The following CEP170B variants were observed in gnomAD, a reference collection of about 807,000 sequenced individuals.
The protein encoded by CEP170B is centrosomal protein 170B, also known as centrosomal protein of 170 kDa protein B.
A neutral mutation model predicts 120.6 loss-of-function variants in CEP170B; 55 were observed. The ratio of observed to expected loss-of-function variants is 0.46; its 90% CI spans 0.37 to 0.57. CEP170B has a LOEUF of 0.57. Among genes scored for constraint, CEP170B ranks in the 20% least tolerant of loss-of-function variants. The pLI is 0.00. For synonymous variants in CEP170B, 1,033 were observed against 954.5 expected, an observed-to-expected ratio of 1.08 and a Z score of -1.52; for missense variants, 2,212 against 2,253.3, an observed-to-expected ratio of 0.98 and a Z score of 0.37.
At chr14:104,885,170 C>T (rs943015619) in intron 9 of CEP170B, among the ~76,000 whole-genome samples, 199 bp from the exon 10 acceptor site, 4 of 152,084 alleles carry the variant, frequency 2.6e-5, no homozygotes, top group Admixed American at 1.3e-4. Flanking sequence ...CCCACAGCCC[C>T]GCCCCTCCCC....
chr14:104,879,730 G>A (rs771476475), intron 5 of CEP170B, among the ~76,000 whole-genome samples: 158 of 152,144 alleles, frequency 1.0e-3, no homozygotes, highest in Non-Finnish European at 6.5e-4. Context: ...CCCTTTCCCC[G>A]GTGTGCTGGC....
chr14:104,884,225 C>T lies in CEP170B; in HGVS notation c.1446C>T (p.Ala482=), dbSNP rs2140696734. ...TEERLGSPSP[A]SRTPARPFGS... is the part of the protein sequence containing the mutation. ...AACGGCTGGGCAGCCCCTCGCCCGC[C>T]TCCCGAACCCCTGCCCGCCCCTTCG... Residue 482 remains alanine, a synonymous_variant, in exon 9 of 19, where the codon GCC becomes GCT. Coordinates refer to ENST00000414716, the MANE Select transcript of CEP170B (RefSeq NM_001112726.3). 1.3e-6 allele frequency: 2 copies of T among 1,543,262 alleles called. No individual in the cohort carries two copies. The highest frequency in any genetic ancestry group is 2.4e-5 in the East Asian group (1 of 40,956).
At chr14:104,878,728 GGCGGGGGCACCGGGAC>G (rs1160487301) in intron 5 of CEP170B, among the ~76,000 whole-genome samples, 1 of 152,266 alleles carries the variant, frequency 6.6e-6, no homozygotes, top group Non-Finnish European at 1.5e-5. Context: ...AGTGACAGGT[GGCGGGGGCACCGGGAC>G]GCGGGTGCCA....
intron 2 of CEP170B, among the ~76,000 whole-genome samples, chr14:104,871,467 G>T (rs899708546): frequency 2.0e-5 from 3 of 147,682 alleles, no homozygotes; most frequent in African/African-American, 7.5e-5. Context: ...CTCCGGACCC[G>T]GCTCACACCG....
chr14:104,893,950 G>A, intron 16 of CEP170B, 101 bp downstream of exon 16: 1 of 1,102,386 alleles, frequency 9.1e-7, no homozygotes, highest in Non-Finnish European at 1.3e-6. Flanking sequence ...CGGTTTCATG[G>A]GTACTCGTGT....
rs1311134806 is a variant in CEP170B at position 104,884,691 on chromosome 14, G to A, written c.1770+142G>A. 4.7e-5 allele frequency: 15 copies of A among 321,364 alleles called. 1 individual carries two copies. Among genetic ancestry groups the A allele is most frequent in the African/African-American group, 3.3e-4 (6 of 18,018 alleles). 19.9% of individuals were successfully genotyped at this position (321,364 alleles called of 1,614,324 possible). A position where few individuals can be genotyped will look rare whatever the true frequency, so the allele number is the denominator to read the frequency against. On this transcript the variant is annotated intron_variant, in intron 9 of 18. Transcript: ENST00000414716. ...GCGAGTGAGAGCCCTCGTGGGGAAC[G>A]GGGGGTGGAGGTGATGCCGGGGGTG...
At position 104,893,816 on chromosome 14, in the gene CEP170B, G is replaced by A. The variant is rs1326315392; in HGVS notation, c.4238G>A (p.Arg1413His). Residue 1413 changes from arginine to histidine, a missense_variant, in exon 16 of 19, where the codon CGT (arginine) becomes CAT (histidine). Coordinates refer to ENST00000414716, the MANE Select transcript of CEP170B (RefSeq NM_001112726.3). ...GTGTCCCAGCTGTCGCAGGCCATCC[G>A]TGAGAACACAGAGCACCTTGCCGAG... is the stretch of plus-strand genomic sequence containing the variant. The part of the protein sequence containing the change: ...NPVSQLSQAI[R>H]ENTEHLAEKM... 5 of 1,612,570 alleles carry A rather than the reference G, an allele frequency of 3.1e-6. No individual in the cohort carries two copies. The highest frequency in any genetic ancestry group is 4.2e-6 in the Non-Finnish European group (5 of 1,179,692).
Position 104,894,529 on chromosome 14 carries a change from G to C in CEP170B, c.4366-8G>C, listed in dbSNP as rs568757300. ...TTGACTCCACCTCCCTTCCTGCCAC[G>C]TTTCCAGGAAATCAGCTCCATCCTG... is the stretch of plus-strand genomic sequence containing the variant. On this transcript the variant is annotated splice_polypyrimidine_tract_variant and splice_region_variant and intron_variant, in intron 17 of 18. Transcript: ENST00000414716. 2.5e-6 allele frequency: 4 copies of C among 1,610,634 alleles called. No individual in the cohort carries two copies. In the African/African-American group the frequency reaches 4.0e-5, roughly 16 times the overall value.
At chr14:104,878,551 C>A (rs749582881) in intron 5 of CEP170B, 50 bp downstream of exon 5, 7 of 1,574,070 alleles carry the variant, frequency 4.4e-6, no homozygotes, top group Non-Finnish European at 5.2e-6. Context: ...CTCAGCCCCC[C>A]ATCCTCCCCA....
At chr14:104,881,885 T>C (rs940983917) in intron 6 of CEP170B, among the ~76,000 whole-genome samples, 2 of 151,834 alleles carry the variant, frequency 1.3e-5, no homozygotes, top group African/African-American at 4.8e-5. Context: ...TCCCTATGGG[T>C]AACTGGCCCC....
rs938547113 is a variant in CEP170B at position 104,867,456 on chromosome 14, G to A, written c.-27-968G>A. 6.6e-6 allele frequency among the ~76,000 whole-genome samples: 1 copy of A among 152,190 alleles called. No homozygotes were observed. Among genetic ancestry groups the A allele is most frequent in the Non-Finnish European group, 1.5e-5 (1 of 68,032 alleles). ...GCTGAAGGGAGCCCCAGGATTCTGAGACTCTGTGTCTTGGTCACAGCTGGC... is the reference window on the plus strand; with the variant it reads ...GCTGAAGGGAGCCCCAGGATTCTGAAACTCTGTGTCTTGGTCACAGCTGGC... On this transcript the variant is annotated intron_variant, in intron 1 of 18. Coordinates refer to ENST00000414716, the MANE Select transcript of CEP170B (RefSeq NM_001112726.3). The surrounding 1 kb of genome is among the most constrained non-coding windows in gnomAD (Gnocchi z 5.4).
intron 6 of CEP170B, 103 bp from the exon 7 acceptor site, chr14:104,882,625 C>A: frequency 1.1e-6 from 1 of 897,114 alleles, no homozygotes; most frequent in Non-Finnish European, 1.7e-6. Flanking sequence ...GAGGTGATGC[C>A]AGGGCCTGCC....
At chr14:104,882,156 G>A (rs1896188657) in intron 6 of CEP170B, among the ~76,000 whole-genome samples, 1 of 152,132 alleles carries the variant, frequency 6.6e-6, no homozygotes, top group African/African-American at 2.4e-5. Context: ...TCAGGAGTGA[G>A]ATTCTATCTG....
rs2028415 is a variant in CEP170B at position 104,882,883 on chromosome 14, T to G, written c.577+51T>G. ...GACCCTGAGGGCTCCCAGAGGGTGG[T>G]GTGTGAAGGGGATGGCCTGGGCTTG... On this transcript the variant is annotated intron_variant, in intron 7 of 18. Transcript: ENST00000414716. The G allele has an allele frequency of 0.63, 979,728 of 1,561,334 alleles. 313,257 individuals carry two copies. The highest frequency in any genetic ancestry group is 0.74 in the Middle Eastern group (4,137 of 5,628).
At chr14:104,864,981 G>T (rs1305909652), upstream of CEP170B, among the ~76,000 whole-genome samples, 2 of 151,694 alleles carry the variant, frequency 1.3e-5, no homozygotes, top group Admixed American at 1.3e-4. This position sits in a 1 kb window ranked among gnomAD's most constrained non-coding sequence, Gnocchi z 5.9. Flanking sequence ...CTGCCGAGAC[G>T]GGAGGGCATG....
Position 104,895,442 on chromosome 14 carries a change from G to A in CEP170B, c.*484G>A, listed in dbSNP as rs141784957. 1.1e-3 allele frequency: 165 copies of A among 154,000 alleles called. 2 individuals are homozygous for A. The South Asian group carries it at 0.014, about 13-fold the overall frequency. 9.5% of individuals were successfully genotyped at this position (154,000 alleles called of 1,614,324 possible). ...GTCATTTGGTGCCAAACATGGAGGT[G>A]GGCAGGCTCACCTGTTCCTGGGACT... On this transcript the variant is annotated 3_prime_UTR_variant, in exon 19 of 19. Transcript: ENST00000414716.
rs761105172 is a variant in CEP170B at position 104,886,892 on chromosome 14, C to G, written c.2653C>G (p.His885Asp). 58 of 1,610,420 alleles carry G rather than the reference C, an allele frequency of 3.6e-5. No homozygotes were observed. Among genetic ancestry groups the G allele is most frequent in the South Asian group, 5.5e-5 (5 of 91,078 alleles). The change falls in exon 12 of 19, where the codon CAC becomes GAC. Residue 885 changes from histidine (H) to aspartate (D), a missense_variant. Transcript: ENST00000414716. ...TCCCCCAGCGCCCGGCAAGCCCCCCCACATCTCCAGCCACCCGCTTCTACA... is the reference window on the plus strand; with the variant it reads ...TCCCCCAGCGCCCGGCAAGCCCCCCGACATCTCCAGCCACCCGCTTCTACA... ...SGPPAPGKPP[H>D]ISSHPLLQDL... is the part of the protein sequence containing the mutation.
intron 17 of CEP170B, 45 bp downstream of exon 17, chr14:104,894,423 C>G: frequency 6.2e-7 from 1 of 1,606,466 alleles, no homozygotes; most frequent in Non-Finnish European, 8.5e-7. Flanking sequence ...CCCAGCCAGC[C>G]TGCCTTTGCC....
rs551208767 is a variant in CEP170B, at chr14:104,870,950, G to A, written c.105+2395G>A. 2.0e-5 allele frequency among the ~76,000 whole-genome samples: 3 copies of A among 151,908 alleles called. No individual in the cohort carries two copies. Among genetic ancestry groups the A allele is most frequent in the South Asian group, 2.1e-4 (1 of 4,818 alleles). On this transcript the variant is annotated intron_variant, in intron 2 of 18. Transcript: ENST00000414716. The surrounding 1 kb of genome is among the most constrained non-coding windows in gnomAD (Gnocchi z 4.1). ...TACCTGCCCACCGCTGCCCCCTGCC[G>A]GCCTCTGTCACCCCTCACTCCCTGT...
Sources: gnomAD v4.1 joint callset for allele counts (sites outside exome capture counted in the v4.1 genomes callset) on GRCh38, gnomAD v4.1.1 for gene constraint, Gnocchi (gnomAD v3.1) non-coding constraint, MANE v1.5 for transcripts, NCBI Gene and HGNC (gene_info 2026-07-23, HGNC 2026-07-21) for gene names.